XKR4: variants seen among roughly 807,000 people sequenced by gnomAD.
XKR4 encodes the protein XK related 4.
Under a neutral mutation model 53.9 loss-of-function variants are expected in XKR4, and 12 were observed. The observed-to-expected ratio is 0.22, with a 90% CI of 0.14 to 0.36. The LOEUF is 0.36. Among genes scored for constraint, XKR4 ranks in the 10% least tolerant of loss-of-function variants. XKR4 has a pLI of 1.00. For synonymous variants in XKR4, 354 were observed against 362.4 expected (o/e 0.98, Z 0.26); for missense variants, 799 against 859.5 (o/e 0.93, Z 0.88).
At chr8:55,350,028 A>C (rs1005046696) in intron 1 of XKR4, among the ~76,000 whole-genome samples, 1 of 152,046 alleles carries the variant, frequency 6.6e-6, no homozygotes, top group East Asian at 1.9e-4. Context: ...ACACACATAC[A>C]CACACACACT....
intron 1 of XKR4, among the ~76,000 whole-genome samples, chr8:55,164,926 A>G (rs1817045346): frequency 6.6e-6 from 1 of 152,078 alleles, no homozygotes; most frequent in South Asian, 2.1e-4. Context: ...CCCTCTCCCC[A>G]TGTCCTATAG....
chr8:55,206,206 G>C (rs774764509), intron 1 of XKR4, among the ~76,000 whole-genome samples: 3 of 152,132 alleles, frequency 2.0e-5, no homozygotes, highest in Non-Finnish European at 4.4e-5. Context: ...GGGCCGGAGC[G>C]GGTTGCCACT....
chr8:55,523,488 T>C lies in XKR4; in HGVS notation c.1214T>C (p.Ile405Thr), dbSNP rs1251311459. 2 of 1,614,110 alleles carry C rather than the reference T, an allele frequency of 1.2e-6. No individual in the cohort carries two copies. The highest frequency in any genetic ancestry group is 1.7e-5 in the Admixed American group (1 of 60,010). Residue 405 changes from isoleucine (I) to threonine (T), a missense_variant, in exon 3 of 3, where the codon ATC (isoleucine) becomes ACC (threonine). Around this residue, in one of 3 missense-constraint regions of XKR4, gnomAD observed 54 missense variants for 89.7 expected, o/e 0.60. Transcript: ENST00000327381. ...TTCCAGCTGTACTTTGGGATCTTCA[T>C]CGTCCTTCACTGGTGCATCATGACC... ...SVFQLYFGIF[I>T]VLHWCIMTFW...
chr8:55,220,183 A>G (rs1420837338), intron 1 of XKR4, among the ~76,000 whole-genome samples: 1 of 152,124 alleles, frequency 6.6e-6, no homozygotes, highest in Admixed American at 6.5e-5. Context: ...CCCCATAAAT[A>G]TACATAATTA....
At chr8:55,523,256 A>G (rs767977383) in intron 2 of XKR4, 25 bp from the exon 3 acceptor site, 3 of 1,549,324 alleles carry the variant, frequency 1.9e-6, no homozygotes, top group Non-Finnish European at 2.6e-6. Context: ...TTTCTGACAC[A>G]CTGTCTTCCT....
intron 2 of XKR4, among the ~76,000 whole-genome samples, chr8:55,390,106 G>A (rs1021654379): frequency 2.0e-5 from 3 of 152,182 alleles, no homozygotes; most frequent in African/African-American, 7.2e-5. Context: ...TGTCTGTAAG[G>A]CCAAAAGATA....
At chr8:55,220,653 C>T (rs901870082) in intron 1 of XKR4, among the ~76,000 whole-genome samples, 3 of 152,154 alleles carry the variant, frequency 2.0e-5, no homozygotes, top group Non-Finnish European at 4.4e-5. Flanking sequence ...CTGAACTGCA[C>T]ACATTTTTGC....
intron 2 of XKR4, among the ~76,000 whole-genome samples, chr8:55,495,441 G>T (rs1222586660): frequency 6.6e-6 from 1 of 152,228 alleles, no homozygotes; most frequent in Non-Finnish European, 1.5e-5. Context: ...TGAACCCCCA[G>T]CTGTGCTTCC....
intron 1 of XKR4, among the ~76,000 whole-genome samples, chr8:55,252,956 A>T (rs1357419573): frequency 6.6e-6 from 1 of 152,114 alleles, no homozygotes; most frequent in African/African-American, 2.4e-5. Flanking sequence ...GCCTTATGCT[A>T]TATTCAGGCA....
chr8:55,397,719 T>G (rs1263035852), intron 2 of XKR4, among the ~76,000 whole-genome samples: 1 of 152,196 alleles, frequency 6.6e-6, no homozygotes, highest in Non-Finnish European at 1.5e-5. Context: ...AGTCCCATTG[T>G]CACAGTCAGC....
intron 1 of XKR4, among the ~76,000 whole-genome samples, chr8:55,170,372 G>A (rs139882161): frequency 6.6e-6 from 1 of 152,296 alleles, no homozygotes; most frequent in Non-Finnish European, 1.5e-5. Context: ...AAGTGCAAGA[G>A]GGAGGCAGGA....
chr8:55,247,856 T>TTTCTTTCTTTCTTTCTTTCTTTCTTA (rs776313671), intron 1 of XKR4, among the ~76,000 whole-genome samples: 1 of 37,540 alleles, frequency 2.7e-5, no homozygotes, highest in Non-Finnish European at 6.8e-5. Flanking sequence ...TCTTTCTTTC[T>TTTCTTTCTTTCTTTCTTTCTTTCTTA]TTTTTTTTTT....
At chr8:55,279,975 C>T (rs552249152) in intron 1 of XKR4, among the ~76,000 whole-genome samples, 2 of 152,128 alleles carry the variant, frequency 1.3e-5, no homozygotes, top group African/African-American at 2.4e-5. Context: ...ACATTGTTCT[C>T]GAAGAGATAC....
At chr8:55,387,541 T>C (rs1180460993) in intron 2 of XKR4, among the ~76,000 whole-genome samples, 2 of 152,218 alleles carry the variant, frequency 1.3e-5, no homozygotes, top group African/African-American at 4.8e-5. Context: ...TCTCCCACAA[T>C]GACTCCCCTG....
chr8:55,350,345 T>C (rs1051500937), intron 1 of XKR4, among the ~76,000 whole-genome samples: 2 of 152,192 alleles, frequency 1.3e-5, no homozygotes, highest in African/African-American at 4.8e-5. Context: ...GGCTGGTAGA[T>C]GGAACCTTAA....
At chr8:55,265,312 A>G (rs1335855886) in intron 1 of XKR4, among the ~76,000 whole-genome samples, 1 of 152,222 alleles carries the variant, frequency 6.6e-6, no homozygotes, top group Non-Finnish European at 1.5e-5. Context: ...TGCATTTGAC[A>G]CATGTCTGTT....
intron 1 of XKR4, among the ~76,000 whole-genome samples, chr8:55,141,645 T>TTCTCTCTCTCTCTCTC (rs138063196): frequency 0.023 from 2,557 of 111,884 alleles, 118 homozygotes; most frequent in African/African-American, 0.074. Flanking sequence ...GTGCTTCTGC[T>TTCTCTCTCTCTCTCTC]TCTCTCTCTC....
At chr8:55,341,240 C>T (rs1803541397) in intron 1 of XKR4, among the ~76,000 whole-genome samples, 1 of 152,076 alleles carries the variant, frequency 6.6e-6, no homozygotes, top group Non-Finnish European at 1.5e-5. Context: ...CAGCTGGGAC[C>T]CAAGCCCACT....
At position 55,135,487 on chromosome 8, in the gene XKR4, G is replaced by A. The variant is rs1816613059; in HGVS notation, c.806+32193G>A. 54 of 406,942 alleles carry A rather than the reference G, an allele frequency of 1.3e-4. 1 individual carries two copies. The highest frequency in any genetic ancestry group is 9.2e-4 in the South Asian group (54 of 58,644). 25.2% of individuals were successfully genotyped at this position (406,942 alleles called of 1,614,324 possible). A position where few individuals can be genotyped will look rare whatever the true frequency, so the allele number is the denominator to read the frequency against. On this transcript the variant is annotated intron_variant, in intron 1 of 2. Coordinates refer to ENST00000327381, the MANE Select transcript of XKR4 (RefSeq NM_052898.2). ...CCCCCAAATCATATCTGAATCGGTG[G>A]CTTCACTCTTTGTCCATCTGTAATG... is the stretch of plus-strand genomic sequence containing the variant.
Sources: allele counts gnomAD v4.1 joint callset (sites outside exome capture counted in the v4.1 genomes callset), GRCh38; gene constraint gnomAD v4.1.1; regional missense constraint gnomAD v4.1.1; transcripts MANE v1.5; gene names NCBI Gene and HGNC (gene_info 2026-07-23, HGNC 2026-07-21).